PDE10A: variants seen among roughly 807,000 people sequenced by gnomAD.
The protein encoded by PDE10A is cAMP and cAMP-inhibited cGMP 3',5'-cyclic phosphodiesterase 10A.
PDE10A carries 39 observed loss-of-function variants against 97.7 expected under a neutral mutation model. That is an observed-to-expected ratio of 0.40 (90% CI 0.31 to 0.52). The LOEUF (loss-of-function observed/expected upper bound fraction) is 0.52. Among genes scored for constraint, PDE10A ranks in the 20% least tolerant of loss-of-function variants. PDE10A has a pLI of 0.56. For missense variants in PDE10A, 731 were observed against 1,047.8 expected, an observed-to-expected ratio of 0.70 and a Z score of 4.17; for synonymous variants, 371 against 376.8, an observed-to-expected ratio of 0.98 and a Z score of 0.18.
chr6:165,447,586 A>G (rs942136639), intron 5 of PDE10A, among the ~76,000 whole-genome samples: 16 of 152,366 alleles, frequency 1.1e-4, no homozygotes, highest in African/African-American at 2.9e-4. Flanking sequence ...ATATTTTTCT[A>G]AAAGAAATTA....
At chr6:165,393,788 T>A (rs1399387263) in intron 15 of PDE10A, among the ~76,000 whole-genome samples, 1 of 152,160 alleles carries the variant, frequency 6.6e-6, no homozygotes, top group Admixed American at 6.5e-5. Flanking sequence ...ATTTAATTCC[T>A]AAATGAGTAA....
chr6:165,741,811 A>G (rs1416130540), intron 1 of PDE10A, among the ~76,000 whole-genome samples: 1 of 152,222 alleles, frequency 6.6e-6, no homozygotes, highest in South Asian at 2.1e-4. Flanking sequence ...TTAATGATTT[A>G]CTTTATGAAA....
At chr6:165,363,699 G>A (rs772023114) in intron 18 of PDE10A, among the ~76,000 whole-genome samples, 5 of 151,820 alleles carry the variant, frequency 3.3e-5, no homozygotes, top group African/African-American at 7.3e-5. Context: ...ATATAAGATC[G>A]GTAGTACAAA....
At chr6:165,460,130 G>C (rs1031365927) in intron 3 of PDE10A, among the ~76,000 whole-genome samples, 1 of 152,182 alleles carries the variant, frequency 6.6e-6, no homozygotes, top group Non-Finnish European at 1.5e-5. Flanking sequence ...CGGTAGTGCC[G>C]CAGTAGATTT....
intron 1 of PDE10A, among the ~76,000 whole-genome samples, chr6:165,773,810 A>G (rs1389148604): frequency 2.0e-5 from 3 of 152,254 alleles, no homozygotes; most frequent in Non-Finnish European, 4.4e-5. Flanking sequence ...AAAAACTGTC[A>G]AATCTGGACA....
intron 1 of PDE10A, among the ~76,000 whole-genome samples, chr6:165,615,313 AG>A (rs1203521024): frequency 2.6e-5 from 4 of 152,202 alleles, no homozygotes; most frequent in Admixed American, 6.5e-5. Flanking sequence ...ACATTTGATA[AG>A]TTTACTGAAT....
At chr6:165,548,302 T>A (rs7749624) in intron 1 of PDE10A, among the ~76,000 whole-genome samples, 19,640 of 142,574 alleles carry the variant, frequency 0.14, 1,544 homozygotes, top group African/African-American at 0.16. Flanking sequence ...TTTTTTTTTT[T>A]ACTGCTTGTT....
At chr6:165,883,691 C>T (rs1583231098) in intron 1 of PDE10A, among the ~76,000 whole-genome samples, 1 of 152,056 alleles carries the variant, frequency 6.6e-6, no homozygotes, top group African/African-American at 2.4e-5. Context: ...CAGAGGCGGG[C>T]TTGCTGGGAT....
At chr6:165,641,589 C>T (rs965331863) in intron 1 of PDE10A, among the ~76,000 whole-genome samples, 1 of 152,170 alleles carries the variant, frequency 6.6e-6, no homozygotes, top group Non-Finnish European at 1.5e-5. Flanking sequence ...ACAGTCAGAG[C>T]GGGCACTGGC....
chr6:165,420,045 A>G (rs527577807), intron 10 of PDE10A, among the ~76,000 whole-genome samples: 28 of 152,156 alleles, frequency 1.8e-4, no homozygotes, highest in Admixed American at 1.3e-3. Context: ...TATACTGCCT[A>G]GTATCAGGAC....
At chr6:165,453,889 A>AACTCCACT in intron 3 of PDE10A, among the ~76,000 whole-genome samples, 1 of 152,158 alleles carries the variant, frequency 6.6e-6, no homozygotes, top group Admixed American at 6.5e-5. Flanking sequence ...CCAACTCCAC[A>AACTCCACT]ACTCTGGAGA....
At chr6:165,397,066 G>A (rs1162220751) in intron 13 of PDE10A, among the ~76,000 whole-genome samples, 4 of 152,206 alleles carry the variant, frequency 2.6e-5, no homozygotes, top group African/African-American at 7.2e-5. Context: ...TGTCTACAGA[G>A]TAAGTATATA....
intron 5 of PDE10A, among the ~76,000 whole-genome samples, chr6:165,436,015 T>C (rs1480916730): frequency 2.0e-5 from 3 of 152,186 alleles, no homozygotes; most frequent in Non-Finnish European, 4.4e-5. Flanking sequence ...TTAAAATAAA[T>C]TGTTTTTTAA....
chr6:165,761,565 A>T (rs1382049080), intron 1 of PDE10A, among the ~76,000 whole-genome samples: 1 of 152,212 alleles, frequency 6.6e-6, no homozygotes, highest in Non-Finnish European at 1.5e-5. Flanking sequence ...AGAATGATCA[A>T]CGTGAAGTTA....
intron 1 of PDE10A, among the ~76,000 whole-genome samples, chr6:165,861,377 C>G (rs1244633251): frequency 6.6e-6 from 1 of 151,444 alleles, no homozygotes; most frequent in Admixed American, 6.6e-5. Flanking sequence ...AACAAGGACA[C>G]AGCTTGTCCT....
chr6:165,698,742 C>G (rs1225715644), intron 1 of PDE10A, among the ~76,000 whole-genome samples: 1 of 151,974 alleles, frequency 6.6e-6, no homozygotes, highest in African/African-American at 2.4e-5. Context: ...CCCAGCTACT[C>G]AAGAGGCTGA....
At chr6:165,597,902 G>T (rs765538706) in intron 1 of PDE10A, among the ~76,000 whole-genome samples, 1 of 152,214 alleles carries the variant, frequency 6.6e-6, no homozygotes, top group African/African-American at 2.4e-5. Context: ...GAAAAGAAAA[G>T]AAATGGCAAC....
At chr6:165,560,367 C>T (rs1436924952) in intron 1 of PDE10A, among the ~76,000 whole-genome samples, 1 of 152,196 alleles carries the variant, frequency 6.6e-6, no homozygotes, top group African/African-American at 2.4e-5. Flanking sequence ...AAACTAAATT[C>T]TGCCAATGGC....
intron 2 of PDE10A, among the ~76,000 whole-genome samples, chr6:165,501,033 AT>A (rs1436171265): frequency 2.0e-5 from 3 of 152,108 alleles, no homozygotes; most frequent in Non-Finnish European, 1.5e-5. Flanking sequence ...GTCCTGCCAC[AT>A]CCCCCTCTCC....
Sources: allele counts gnomAD v4.1 joint callset (sites outside exome capture counted in the v4.1 genomes callset), GRCh38; gene constraint gnomAD v4.1.1; transcripts MANE v1.5; gene names NCBI Gene and HGNC (gene_info 2026-07-23, HGNC 2026-07-21).